SHOX2: variants seen among roughly 807,000 people sequenced by gnomAD.
SHOX2 encodes the protein SHOX homeobox 2, also known as short stature homeobox protein 2.
In SHOX2, 13 loss-of-function variants were observed where a neutral mutation model predicts 31.3. That is an observed-to-expected ratio of 0.42 (90% CI 0.27 to 0.66). The LOEUF (loss-of-function observed/expected upper bound fraction) is 0.66. Ranked by LOEUF, SHOX2 falls within the 30% of genes least tolerant of loss-of-function variation. SHOX2 has a pLI of 0.27. For synonymous variants in SHOX2, 244 were observed against 196.2 expected, an observed-to-expected ratio of 1.24 and a Z score of -2.04; for missense variants, 473 against 443.0, an observed-to-expected ratio of 1.07 and a Z score of -0.61.
Position 158,100,269 on chromosome 3 carries a change from TTTC to T in SHOX2, c.595_597del (p.Glu199del). The T allele has an allele frequency of 6.2e-7, 1 of 1,603,626 alleles. No homozygotes were observed. The highest frequency in any genetic ancestry group is 8.5e-7 in the Non-Finnish European group (1 of 1,176,780). The stretch of plus-strand genomic sequence containing the variant: ...AGAAGCATACCTTTATGGAGTTGAT[TTTC>T]TTGTTTTCTACATTTAGCTCTTCGA... On this transcript the variant is annotated inframe_deletion, in exon 3 of 5. Coordinates refer to ENST00000483851, the MANE Select transcript of SHOX2 (RefSeq NM_001163678.2).
chr3:158,099,687 T>A (rs1713367124), intron 4 of SHOX2, among the ~76,000 whole-genome samples, 173 bp downstream of exon 4: 1 of 152,206 alleles, frequency 6.6e-6, no homozygotes, highest in Admixed American at 6.5e-5. Context: ...ATTCAGGCCT[T>A]TAATACCGTA....
chr3:158,105,023 T>TCCCCCCCCCCCCACCCCCCCCC, intron 1 of SHOX2: 3 of 204,910 alleles, frequency 1.5e-5, no homozygotes, highest in Non-Finnish European at 2.7e-5. Context: ...GATCCCCACC[T>TCCCCCCCCCCCCACCCCCCCCC]CCCCCGCCGC....
chr3:158,096,288 T>A lies in SHOX2; in HGVS notation c.*1739A>T, dbSNP rs566034729. On this transcript the variant is annotated 3_prime_UTR_variant, in exon 5 of 5. Transcript: ENST00000483851. ...TTCCTCTTTCTTGTAAATTAGAAGG[T>A]AAAACAAAAACAAAAACAAAACCCC... 1 of 151,014 alleles carries A rather than the reference T, an allele frequency of 6.6e-6. No individual in the cohort carries two copies. The allele number at this position is 151,014 out of a possible 1,614,324, so 9.4% of individuals were successfully genotyped here. A position where few individuals can be genotyped will look rare whatever the true frequency, so the allele number is the denominator to read the frequency against.
chr3:158,101,626 A>C (rs561153426), intron 2 of SHOX2, among the ~76,000 whole-genome samples: 32 of 152,164 alleles, frequency 2.1e-4, no homozygotes, highest in African/African-American at 7.5e-4. Flanking sequence ...AGATGTGGGG[A>C]AGCCCCTTAA....
Position 158,105,662 on chromosome 3 carries a change from G to T in SHOX2, c.346+17C>A, listed in dbSNP as rs1485813097. 1 of 1,518,304 alleles carries T rather than the reference G, an allele frequency of 6.6e-7. No individual in the cohort carries two copies. The highest frequency in any genetic ancestry group is 8.8e-7 in the Non-Finnish European group (1 of 1,135,390). The allele number at this position is 1,518,304 out of a possible 1,614,324, so 94.1% of individuals were successfully genotyped here. A position where few individuals can be genotyped will look rare whatever the true frequency, so the allele number is the denominator to read the frequency against. ...GCGGGAAGGGGAACCGCTGCCGGGGGTCAGTCAGGTCGTTACCCTCCGTCA... is the reference window on the plus strand; with the variant it reads ...GCGGGAAGGGGAACCGCTGCCGGGGTTCAGTCAGGTCGTTACCCTCCGTCA... On this transcript the variant is annotated intron_variant, in intron 1 of 4. Transcript: ENST00000483851.
rs1424259459 is a variant in SHOX2, at chr3:158,106,151, G to T, written c.-127C>A. On this transcript the variant is annotated 5_prime_UTR_variant, in exon 1 of 5. Coordinates refer to ENST00000483851, the MANE Select transcript of SHOX2 (RefSeq NM_001163678.2). Reference sequence around the variant, plus strand: ...ATCAATGGGACAGGAGGTGGGGGAGGAGAGGGAGGAGGAGAAAGAAGAAGA... The same window carrying T: ...ATCAATGGGACAGGAGGTGGGGGAGTAGAGGGAGGAGGAGAAAGAAGAAGA... 2 of 1,434,148 alleles carry T rather than the reference G, an allele frequency of 1.4e-6. No individual in the cohort carries two copies. The highest frequency in any genetic ancestry group is 1.9e-6 in the Non-Finnish European group (2 of 1,067,992). 88.8% of individuals were successfully genotyped at this position (1,434,148 alleles called of 1,614,324 possible).
chr3:158,099,811 T>C, intron 4 of SHOX2, 49 bp downstream of exon 4: 1 of 1,339,744 alleles, frequency 7.5e-7, no homozygotes, highest in Non-Finnish European at 1.1e-6. Context: ...CAAGCAAACA[T>C]TCAGGTATTT....
At chr3:158,105,537 C>T in intron 1 of SHOX2, 142 bp downstream of exon 1, 1 of 691,016 alleles carries the variant, frequency 1.4e-6, no homozygotes, top group Non-Finnish European at 2.3e-6. Flanking sequence ...CTTCCACTAT[C>T]ACTCTAGCTG....
chr3:158,101,240 C>T (rs538894629), intron 2 of SHOX2, among the ~76,000 whole-genome samples: 2 of 152,236 alleles, frequency 1.3e-5, no homozygotes, highest in African/African-American at 4.8e-5. Flanking sequence ...TGCTTCAGAG[C>T]TTTCATTGGT....
Position 158,106,079 on chromosome 3 carries a change from T to C in SHOX2, c.-55A>G. The C allele has an allele frequency of 6.2e-7, 1 of 1,604,710 alleles. No individual in the cohort carries two copies. The highest frequency in any genetic ancestry group is 8.5e-7 in the Non-Finnish European group (1 of 1,175,424). ...CTCTGCCAGCAGAGCCCCGCTCTTT[T>C]TTTCCTTCTTCTTTTTTTACTGCTC... On this transcript the variant is annotated 5_prime_UTR_variant, in exon 1 of 5. Coordinates refer to ENST00000483851, the MANE Select transcript of SHOX2 (RefSeq NM_001163678.2).
chr3:158,096,928 A>ATATATATATATATATATG lies in SHOX2; in HGVS notation c.*1098_*1099insCATATATATATATATATA. ...TATATATATATATATATATATATAT[A>ATATATATATATATATATG]TATGGCAAATATATGATATATATAT... On this transcript the variant is annotated 3_prime_UTR_variant, in exon 5 of 5. Coordinates refer to ENST00000483851, the MANE Select transcript of SHOX2 (RefSeq NM_001163678.2). The ATATATATATATATATATG allele has an allele frequency of 8.2e-6, 1 of 121,256 alleles. No individual in the cohort carries two copies. Among genetic ancestry groups the ATATATATATATATATATG allele is most frequent in the African/African-American group, 3.1e-5 (1 of 32,028 alleles). 7.5% of individuals were successfully genotyped at this position (121,256 alleles called of 1,614,324 possible).
chr3:158,105,927 G>C lies in SHOX2; in HGVS notation c.98C>G (p.Pro33Arg), dbSNP rs768138092. The C allele has an allele frequency of 6.2e-7, 1 of 1,606,720 alleles. No homozygotes were observed. Among genetic ancestry groups the C allele is most frequent in the Non-Finnish European group, 8.5e-7 (1 of 1,176,960 alleles). Residue 33 changes from proline (P) to arginine (R), a missense_variant, in exon 1 of 5, where the codon CCG (proline) becomes CGG (arginine). By Grantham distance (103) the Pro-to-Arg change is moderately radical. Transcript: ENST00000483851. Reference sequence around the variant, plus strand: ...GGTCGGCTCCTTGGCCCCGCGCAGCGGCCCGCTCTCCAGCACCTCCCGGTA... The same window carrying C: ...GGTCGGCTCCTTGGCCCCGCGCAGCCGCCCGCTCTCCAGCACCTCCCGGTA... ...ITYREVLESG[P>R]LRGAKEPTGC... is the part of the protein sequence containing the mutation.
chr3:158,098,165 G>C lies in SHOX2; in HGVS notation c.822C>G (p.Leu274=), dbSNP rs146212890. ...MFPAPPFGLP[L]ATLAADSASA... The stretch of plus-strand genomic sequence containing the variant: ...AAGCCGAATCCGCGGCCAGCGTGGC[G>C]AGCGGCAGTCCGAAGGGCGGTGCTG... Residue 274 remains leucine, a synonymous_variant, in exon 5 of 5, where the codon CTC becomes CTG. Transcript: ENST00000483851. 1.2e-6 allele frequency: 2 copies of C among 1,613,360 alleles called. No individual in the cohort carries two copies. Among genetic ancestry groups the C allele is most frequent in the Non-Finnish European group, 1.7e-6 (2 of 1,179,706 alleles).
Position 158,105,797 on chromosome 3 carries a change from T to TCCTCCGCCTCCTCCGCCGCCG in SHOX2, c.207_227dup (p.Gly71_Gly77dup), listed in dbSNP as rs773977997. 378 of 1,470,726 alleles carry TCCTCCGCCTCCTCCGCCGCCG rather than the reference T, an allele frequency of 2.6e-4. No individual in the cohort carries two copies. Among genetic ancestry groups the TCCTCCGCCTCCTCCGCCGCCG allele is most frequent in the East Asian group, 1.3e-3 (43 of 33,208 alleles). 91.1% of individuals were successfully genotyped at this position (1,470,726 alleles called of 1,614,324 possible). A position where few individuals can be genotyped will look rare whatever the true frequency, so the allele number is the denominator to read the frequency against. ...CGCCTGCTCCTCCTCCTCCTACACC[T>TCCTCCGCCTCCTCCGCCGCCG]CCTCCGCCTCCTCCGCCGCCGCCTC... On this transcript the variant is annotated inframe_insertion, in exon 1 of 5. Transcript: ENST00000483851.
rs1713222273 is a variant in SHOX2, at chr3:158,097,895, A to C, written c.*132T>G. 8.6e-7 allele frequency: 1 copy of C among 1,165,588 alleles called. No homozygotes were observed. The highest frequency in any genetic ancestry group is 2.3e-5 in the Admixed American group (1 of 43,464). The allele number at this position is 1,165,588 out of a possible 1,614,324, so 72.2% of individuals were successfully genotyped here. A position where few individuals can be genotyped will look rare whatever the true frequency, so the allele number is the denominator to read the frequency against. On this transcript the variant is annotated 3_prime_UTR_variant, in exon 5 of 5. Transcript: ENST00000483851. ...CGAGTCCAAGATGCGATAGGGGACG[A>C]GGGATGGTCAGTGAGGCGGGAAGAG... is the stretch of plus-strand genomic sequence containing the variant.
Position 158,102,762 on chromosome 3 carries a change from C to T in SHOX2, c.471G>A (p.Arg157=). 1 of 1,614,100 alleles carries T rather than the reference C, an allele frequency of 6.2e-7. No individual in the cohort carries two copies. Among genetic ancestry groups the T allele is most frequent in the South Asian group, 1.1e-5 (1 of 91,084 alleles). Reference sequence around the variant, plus strand: ...CGGGATAGTGGGTCTCGTCAAAAAGCCTCTCCAGCTCATTGAGTTGTTCCA... The same window carrying T: ...CGGGATAGTGGGTCTCGTCAAAAAGTCTCTCCAGCTCATTGAGTTGTTCCA... ...FTLEQLNELE[R]LFDETHYPDA... The change falls in exon 2 of 5, where the codon AGG becomes AGA. Residue 157 remains arginine (R), a synonymous_variant. Transcript: ENST00000483851.
In SHOX2 at chr3:158,097,066, T is replaced by G. The variant is rs1289798856; in HGVS notation, c.*961A>C. The stretch of plus-strand genomic sequence containing the variant: ...GGGGTGGGAGGAGACACACCATCAA[T>G]GGAATACAAGTAACATGCAAACCGG... On this transcript the variant is annotated 3_prime_UTR_variant, in exon 5 of 5. Transcript: ENST00000483851. 1 of 151,484 alleles carries G rather than the reference T, an allele frequency of 6.6e-6. No homozygotes were observed. The highest frequency in any genetic ancestry group is 6.6e-5 in the Admixed American group (1 of 15,182). 9.4% of individuals were successfully genotyped at this position (151,484 alleles called of 1,614,324 possible). A position where few individuals can be genotyped will look rare whatever the true frequency, so the allele number is the denominator to read the frequency against.
chr3:158,105,567 C>T, intron 1 of SHOX2, 112 bp downstream of exon 1: 2 of 959,930 alleles, frequency 2.1e-6, no homozygotes, highest in Non-Finnish European at 3.0e-6. Context: ...GGGTCCAGGG[C>T]CCTCTCCGTG....
At chr3:158,103,243 T>C (rs907265216) in intron 1 of SHOX2, 15 of 348,908 alleles carry the variant, frequency 4.3e-5, no homozygotes, top group African/African-American at 1.7e-4. Context: ...ACTCACTTGC[T>C]CCGCAGCACT....
Sources: allele counts gnomAD v4.1 joint callset (sites outside exome capture counted in the v4.1 genomes callset), GRCh38; gene constraint gnomAD v4.1.1; transcripts MANE v1.5; gene names NCBI Gene and HGNC (gene_info 2026-07-23, HGNC 2026-07-21).